Variants in TRAPPC10 observed in about 807,000 individuals in gnomAD.
The protein encoded by TRAPPC10 is TRAPP 130 kDa subunit.
Under a neutral mutation model 125.5 loss-of-function variants are expected in TRAPPC10, and 23 were observed. The observed-to-expected ratio is 0.18, with a 90% CI of 0.13 to 0.26. The LOEUF (loss-of-function observed/expected upper bound fraction) is 0.26. TRAPPC10 is among the 10% of genes least tolerant of loss of function. The probability of loss-of-function intolerance (pLI) is 1.00; values close to 1 mark genes in which losing one functional copy is unlikely to be tolerated. For missense variants in TRAPPC10, 1,123 were observed against 1,308.4 expected (o/e 0.86, Z 2.19); for synonymous variants, 509 against 518.0 (o/e 0.98, Z 0.24).
chr21:44,071,612 A>T (rs2036872881), intron 7 of TRAPPC10, among the ~76,000 whole-genome samples: 1 of 152,212 alleles, frequency 6.6e-6, no homozygotes, highest in African/African-American at 2.4e-5. Context: ...CATACGAGGC[A>T]GGCGGCTCTG....
intron 15 of TRAPPC10, among the ~76,000 whole-genome samples, chr21:44,086,186 C>T (rs894265805): frequency 2.0e-5 from 3 of 152,242 alleles, no homozygotes; most frequent in East Asian, 1.9e-4. Flanking sequence ...GGCCTGGCTC[C>T]TGCTTCCTGC....
intron 1 of TRAPPC10, among the ~76,000 whole-genome samples, chr21:44,031,723 G>A (rs1301065034): frequency 6.6e-6 from 1 of 152,212 alleles, no homozygotes; most frequent in African/African-American, 2.4e-5. Context: ...TTTCTCCATG[G>A]ATTTTGGGCG....
chr21:44,087,874 G>A lies in TRAPPC10; in HGVS notation c.2715G>A (p.Arg905=). ...SDMLGMAEPH[R]KHKDKQRTGR... ...TGCTGGGGATGGCAGAGCCCCACAGGAAGCATAAGGACAAACAGAGAACTG... is the reference window on the plus strand; with the variant it reads ...TGCTGGGGATGGCAGAGCCCCACAGAAAGCATAAGGACAAACAGAGAACTG... The change falls in exon 17 of 23, where the codon AGG becomes AGA. Residue 905 remains arginine (R), a synonymous_variant. Transcript: ENST00000291574. The surrounding 1 kb of genome is among the most constrained non-coding windows in gnomAD (Gnocchi z 4.6). 6 of 1,614,220 alleles carry A rather than the reference G, an allele frequency of 3.7e-6. No homozygotes were observed. Among genetic ancestry groups the A allele is most frequent in the Non-Finnish European group, 4.2e-6 (5 of 1,180,036 alleles).
At chr21:44,069,648 G>T (rs183395379) in intron 7 of TRAPPC10, among the ~76,000 whole-genome samples, 2 of 152,220 alleles carry the variant, frequency 1.3e-5, no homozygotes, top group Admixed American at 1.3e-4. Context: ...TCCACCCCTG[G>T]TGTGTACAGA....
Position 44,080,075 on chromosome 21 carries a change from G to T in TRAPPC10, c.1671G>T (p.Lys557Asn). 1 of 1,614,102 alleles carries T rather than the reference G, an allele frequency of 6.2e-7. No individual in the cohort carries two copies. The highest frequency in any genetic ancestry group is 8.5e-7 in the Non-Finnish European group (1 of 1,180,018). Residue 557 changes from lysine to asparagine, a missense_variant, in exon 13 of 23, where the codon AAG becomes AAT. Lys to Asn is a moderately conservative substitution (Grantham distance 94). Around this residue, in one of 4 missense-constraint regions of TRAPPC10, gnomAD observed 840 missense variants for 902.0 expected, o/e 0.93. Transcript: ENST00000291574. Reference sequence around the variant, plus strand: ...ACCACCTCACTGAAGAGGAGCGCAAGCACTTCTGCCAGGAGATACTTGACT... The same window carrying T: ...ACCACCTCACTGAAGAGGAGCGCAATCACTTCTGCCAGGAGATACTTGACT... ...SDHHLTEEER[K>N]HFCQEILDFA...
intron 1 of TRAPPC10, among the ~76,000 whole-genome samples, chr21:44,025,714 A>G (rs1601573155): frequency 6.6e-6 from 1 of 152,136 alleles, no homozygotes; most frequent in African/African-American, 2.4e-5. Flanking sequence ...AAATTTCCAC[A>G]GTAGGAAACT....
Position 44,082,640 on chromosome 21 carries a change from A to G in TRAPPC10, c.1724-148A>G. ...ACAATAGCCTTTGGGGGGTGTGAAG[A>G]TGGCAGGAGGCTGGGCTCAGCTGCT... On this transcript the variant is annotated intron_variant, in intron 13 of 22. Transcript: ENST00000291574. This position sits in a 1 kb window ranked among gnomAD's most constrained non-coding sequence, Gnocchi z 4.4. 1.3e-6 allele frequency: 1 copy of G among 793,364 alleles called. No homozygotes were observed. The highest frequency in any genetic ancestry group is 1.6e-5 in the South Asian group (1 of 62,026). 49.1% of individuals were successfully genotyped at this position (793,364 alleles called of 1,614,324 possible). A position where few individuals can be genotyped will look rare whatever the true frequency, so the allele number is the denominator to read the frequency against.
chr21:44,052,591 G>A, intron 4 of TRAPPC10, 115 bp downstream of exon 4: 7 of 1,004,496 alleles, frequency 7.0e-6, no homozygotes, highest in Non-Finnish European at 8.6e-6. Flanking sequence ...TGTCCATGGG[G>A]TGCTGTCAAG....
intron 3 of TRAPPC10, among the ~76,000 whole-genome samples, chr21:44,041,501 C>T (rs1169149000): frequency 6.6e-5 from 10 of 151,940 alleles, no homozygotes; most frequent in Admixed American, 4.6e-4. Flanking sequence ...CTCAGCCTCC[C>T]GAGTAGCTGG....
intron 3 of TRAPPC10, among the ~76,000 whole-genome samples, chr21:44,039,384 G>A (rs2034249196): frequency 6.6e-6 from 1 of 152,148 alleles, no homozygotes; most frequent in African/African-American, 2.4e-5. Flanking sequence ...GTGTTCTTTT[G>A]AGCACTTTCT....
intron 5 of TRAPPC10, among the ~76,000 whole-genome samples, chr21:44,057,582 G>A (rs192218801): frequency 1.3e-5 from 2 of 152,116 alleles, no homozygotes; most frequent in African/African-American, 2.4e-5. Context: ...ACTGCACCCG[G>A]CCTGAGCTGT....
chr21:44,081,411 G>A (rs896436549), intron 13 of TRAPPC10, among the ~76,000 whole-genome samples: 2 of 151,652 alleles, frequency 1.3e-5, no homozygotes, highest in Non-Finnish European at 2.9e-5. Flanking sequence ...TACACACCTC[G>A]GTCTCCCAAA....
chr21:44,075,181 T>C (rs757715750), intron 9 of TRAPPC10, 28 bp downstream of exon 9: 3 of 1,486,720 alleles, frequency 2.0e-6, no homozygotes, highest in Non-Finnish European at 1.9e-6. Flanking sequence ...CCTGTGTGAG[T>C]GGTGAGGTGG....
At chr21:44,046,667 C>T in intron 3 of TRAPPC10, 1 of 256,374 alleles carries the variant, frequency 3.9e-6, no homozygotes, top group Non-Finnish European at 7.6e-6. Context: ...AGCCACCACG[C>T]CCGGTTAATT....
At chr21:44,092,591 C>T (rs932701632) in intron 19 of TRAPPC10, among the ~76,000 whole-genome samples, 5 of 152,166 alleles carry the variant, frequency 3.3e-5, no homozygotes, top group African/African-American at 4.8e-5. Flanking sequence ...ATGTCTGAAT[C>T]TCAGCATTTT....
intron 1 of TRAPPC10, among the ~76,000 whole-genome samples, chr21:44,016,022 G>T (rs1042143576): frequency 3.3e-5 from 5 of 152,206 alleles, no homozygotes; most frequent in African/African-American, 4.8e-5. Context: ...ACTAGTTACA[G>T]CTTGTAAATA....
At chr21:44,034,667 T>C (rs75368202) in intron 2 of TRAPPC10, among the ~76,000 whole-genome samples, 2,746 of 152,328 alleles carry the variant, frequency 0.018, 32 homozygotes, top group Non-Finnish European at 0.026. Flanking sequence ...GATGTGTCTT[T>C]ATTGGAATAA....
Position 44,094,118 on chromosome 21 carries a change from A to G in TRAPPC10, c.3053A>G (p.Glu1018Gly). 6.2e-7 allele frequency: 1 copy of G among 1,614,112 alleles called. No homozygotes were observed. The highest frequency in any genetic ancestry group is 8.5e-7 in the Non-Finnish European group (1 of 1,180,004). Residue 1018 changes from glutamate to glycine, a missense_variant, in exon 20 of 23, where the codon GAG (glutamate) becomes GGG (glycine). Coordinates refer to ENST00000291574, the MANE Select transcript of TRAPPC10 (RefSeq NM_003274.5). ...FFVWELKWTE[E>G]PPPSLHCRFS... ...GTCTGGGAACTCAAGTGGACAGAAG[A>G]GCCTCCCCCTTCTCTGCATTGCCGG... is the stretch of plus-strand genomic sequence containing the variant.
At chr21:44,074,679 T>C (rs2037144165) in intron 8 of TRAPPC10, among the ~76,000 whole-genome samples, 2 of 152,258 alleles carry the variant, frequency 1.3e-5, no homozygotes. Context: ...AAGCACTTGC[T>C]GTGCTCCTGT....
Sources: allele counts gnomAD v4.1 joint callset (sites outside exome capture counted in the v4.1 genomes callset), GRCh38; gene constraint gnomAD v4.1.1; regional missense constraint gnomAD v4.1.1; non-coding constraint Gnocchi (gnomAD v3.1); transcripts MANE v1.5; gene names NCBI Gene and HGNC (gene_info 2026-07-23, HGNC 2026-07-21).